RBFOX1: variants seen among roughly 807,000 people sequenced by gnomAD.
RBFOX1 encodes RNA binding protein fox-1 homolog 1.
A neutral mutation model predicts 57.7 loss-of-function variants in RBFOX1; 8 were observed. The observed-to-expected ratio is 0.14, with a 90% confidence interval of 0.08 to 0.25. RBFOX1 has a LOEUF of 0.25. Among genes scored for constraint, RBFOX1 ranks in the 10% least tolerant of loss-of-function variants. The pLI, the probability that RBFOX1 is intolerant of heterozygous loss-of-function variation, is 1.00. For missense variants in RBFOX1, 611 were observed against 548.5 expected (o/e 1.11, Z -1.14); for synonymous variants, 326 against 222.4 (o/e 1.47, Z -4.15).
intron 3 of RBFOX1, among the ~76,000 whole-genome samples, chr16:6,988,321 G>T (rs902817444): frequency 6.6e-6 from 1 of 152,104 alleles, no homozygotes; most frequent in African/African-American, 2.4e-5. Flanking sequence ...TTCCTGTGAT[G>T]ATGAAAGTGT....
At chr16:6,542,173 G>C (rs150973162) in intron 2 of RBFOX1, among the ~76,000 whole-genome samples, 1 of 151,974 alleles carries the variant, frequency 6.6e-6, no homozygotes, top group Non-Finnish European at 1.5e-5. Flanking sequence ...TGATCTTCCT[G>C]CGTCTGCCTC....
In RBFOX1 at chr16:6,581,449, G is replaced by C. The variant is rs532983015; in HGVS notation, c.-63-73154G>C. Among the ~76,000 whole-genome samples the C allele has an allele frequency of 6.6e-5, 10 of 152,264 alleles. No homozygotes were observed. The East Asian group carries it at 1.5e-3, about 24-fold the overall frequency. ...AGGCTTCCTTCCCCCAGCTGTGTTG[G>C]CTGTTGTTTTGGGAAACAAGCCTTG... On this transcript the variant is annotated intron_variant, in intron 2 of 15. Transcript: ENST00000550418.
At chr16:6,628,810 A>C (rs12596029) in intron 2 of RBFOX1, among the ~76,000 whole-genome samples, 2 of 152,094 alleles carry the variant, frequency 1.3e-5, no homozygotes, top group African/African-American at 4.8e-5. Flanking sequence ...TATGATCTGT[A>C]TGTTTATTAG....
At position 6,230,317 on chromosome 16, in the gene RBFOX1, T is replaced by C. The variant is rs560761345; in HGVS notation, c.-126-86678T>C. ...TGTGTATTAACTCAGTTAATAATTA[T>C]AACAATGTTGTTATAATTATAAGGA... On this transcript the variant is annotated intron_variant, in intron 1 of 15. Coordinates refer to ENST00000550418, the MANE Select transcript of RBFOX1 (RefSeq NM_018723.4). Among the ~76,000 whole-genome samples the C allele has an allele frequency of 3.9e-5, 6 of 152,320 alleles. No individual in the cohort carries two copies. In the South Asian group the frequency reaches 1.2e-3, roughly 32 times the overall value.
intron 1 of RBFOX1, among the ~76,000 whole-genome samples, chr16:5,316,853 C>G (rs150685947): frequency 7.9e-5 from 12 of 152,146 alleles, no homozygotes; most frequent in African/African-American, 2.9e-4. Context: ...GCAGGTGAGC[C>G]GGTGCACTGA....
intron 2 of RBFOX1, among the ~76,000 whole-genome samples, chr16:6,648,810 C>G (rs1309114889): frequency 6.6e-6 from 1 of 152,092 alleles, no homozygotes; most frequent in Non-Finnish European, 1.5e-5. Flanking sequence ...GCCTGAGAAT[C>G]TGGGTATTTT....
At chr16:7,267,726 C>G (rs919644662) in intron 4 of RBFOX1, among the ~76,000 whole-genome samples, 1 of 151,874 alleles carries the variant, frequency 6.6e-6, no homozygotes, top group East Asian at 1.9e-4. Flanking sequence ...TGTGATAGTG[C>G]GTGCCTGTAG....
chr16:7,225,205 C>T (rs1391878437), intron 4 of RBFOX1, among the ~76,000 whole-genome samples: 1 of 152,158 alleles, frequency 6.6e-6, no homozygotes, highest in Non-Finnish European at 1.5e-5. Flanking sequence ...TGCACGTGAT[C>T]TCCTTTCCAT....
intron 4 of RBFOX1, among the ~76,000 whole-genome samples, chr16:7,297,621 G>A (rs2095924931): frequency 6.6e-6 from 1 of 152,082 alleles, no homozygotes; most frequent in African/African-American, 2.4e-5. Context: ...ACTAGCCAGG[G>A]AAAGTTACCA....
chr16:7,355,847 G>T (rs2097205649), intron 4 of RBFOX1, among the ~76,000 whole-genome samples: 1 of 152,210 alleles, frequency 6.6e-6, no homozygotes, highest in Non-Finnish European at 1.5e-5. Context: ...TCAACCTTCA[G>T]GGTCATTTGC....
At chr16:6,576,735 T>C (rs1321324575) in intron 2 of RBFOX1, among the ~76,000 whole-genome samples, 2 of 152,202 alleles carry the variant, frequency 1.3e-5, no homozygotes, top group Non-Finnish European at 2.9e-5. Context: ...AATAATTTTT[T>C]ACTGCAACGT....
intron 1 of RBFOX1, among the ~76,000 whole-genome samples, chr16:6,285,382 A>C (rs186887791): frequency 6.6e-6 from 1 of 152,190 alleles, no homozygotes; most frequent in East Asian, 1.9e-4. Context: ...GGAGCCATAT[A>C]CATTGTGGTA....
At chr16:6,795,251 T>C (rs1220912300) in intron 3 of RBFOX1, among the ~76,000 whole-genome samples, 1 of 152,118 alleles carries the variant, frequency 6.6e-6, no homozygotes, top group Non-Finnish European at 1.5e-5. Flanking sequence ...AATTTTTTAA[T>C]TGTACACAGT....
intron 1 of RBFOX1, among the ~76,000 whole-genome samples, chr16:5,328,152 T>C (rs1157006595): frequency 1.3e-5 from 2 of 152,100 alleles, no homozygotes; most frequent in East Asian, 1.9e-4. Flanking sequence ...TGCAAATTCA[T>C]ATGTTGAAGC....
chr16:6,455,839 T>G (rs2094758450), intron 2 of RBFOX1, among the ~76,000 whole-genome samples: 1 of 152,196 alleles, frequency 6.6e-6, no homozygotes, highest in Non-Finnish European at 1.5e-5. Context: ...GCAGATTCAA[T>G]AAACCATGAG....
intron 3 of RBFOX1, among the ~76,000 whole-genome samples, chr16:6,696,449 T>C (rs2061063243): frequency 6.6e-6 from 1 of 152,234 alleles, no homozygotes; most frequent in Non-Finnish European, 1.5e-5. Flanking sequence ...CTGAAATAAA[T>C]ATAATCTTTG....
intron 5 of RBFOX1, among the ~76,000 whole-genome samples, chr16:7,540,303 A>C (rs1357294359): frequency 6.6e-6 from 1 of 152,164 alleles, no homozygotes; most frequent in Non-Finnish European, 1.5e-5. Flanking sequence ...TAATAACTCA[A>C]GGTACCTGAA....
At chr16:6,839,718 C>T (rs2093352180) in intron 3 of RBFOX1, among the ~76,000 whole-genome samples, 2 of 152,162 alleles carry the variant, frequency 1.3e-5, no homozygotes, top group South Asian at 4.2e-4. Flanking sequence ...GCACACGATT[C>T]TTCTTGTAAT....
rs1237048414 is a variant in RBFOX1, at chr16:5,738,010, C to T, written c.319-129293C>T. On this transcript the variant is annotated intron_variant, in intron 3 of 19. Transcript: ENST00000641259. ...TGCTAATGTTATCCCTCCCCTTGCC[C>T]CCCACCCCCTCCAGGCACCAGTGTG... Among the ~76,000 whole-genome samples the T allele has an allele frequency of 3.3e-5, 5 of 151,756 alleles. No homozygotes were observed. The East Asian group carries it at 7.8e-4, about 24-fold the overall frequency.
Sources: allele counts gnomAD v4.1 joint callset (sites outside exome capture counted in the v4.1 genomes callset), GRCh38; gene constraint gnomAD v4.1.1; transcripts MANE v1.5; gene names NCBI Gene and HGNC (gene_info 2026-07-23, HGNC 2026-07-21).